Variants in IDUA observed in about 807,000 individuals in gnomAD.
IDUA encodes alpha-L-iduronidase.
IDUA carries 65 observed loss-of-function variants against 68.9 expected under a neutral mutation model. The observed-to-expected ratio is 0.94, with a 90% CI of 0.77 to 1.16. The LOEUF is 1.16. IDUA is among the 50% of genes most tolerant of loss of function. The pLI, the probability that IDUA is intolerant of heterozygous loss-of-function variation, is 0.00. For missense variants in IDUA, 1,046 were observed against 938.0 expected (o/e 1.12, Z -1.50); for synonymous variants, 529 against 433.6 (o/e 1.22, Z -2.73).
rs374225977 is a variant in IDUA at position 1,004,213 on chromosome 4, C to T, written c.1829-47C>T. ...GAGAAGCCTGGGGTCAGGGGGCTTTCGGGTGGGGGCAGGTTCCGGTTGGCA... is the reference window on the plus strand; with the variant it reads ...GAGAAGCCTGGGGTCAGGGGGCTTTTGGGTGGGGGCAGGTTCCGGTTGGCA... On this transcript the variant is annotated intron_variant, in intron 13 of 13. Coordinates refer to ENST00000514224, the MANE Select transcript of IDUA (RefSeq NM_000203.5). The surrounding 1 kb of genome is among the most constrained non-coding windows in gnomAD (Gnocchi z 5.0). The T allele has an allele frequency of 1.7e-4, 270 of 1,610,174 alleles. 1 individual carries two copies. Among genetic ancestry groups the T allele is most frequent in the Admixed American group, 1.1e-3 (64 of 60,002 alleles).
At position 1,002,908 on chromosome 4, in the gene IDUA, G is replaced by C; in HGVS notation, c.1366G>C (p.Val456Leu). ...TRAHPNRSVA[V>L]TLRLRGVPPG... ...CGCCCACCCCAACCGCAGCGTCGCG[G>C]TGACCCTGCGGCTGCGCGGGGTGCC... is the stretch of plus-strand genomic sequence containing the variant. The change falls in exon 9 of 14, where the codon GTG (valine) becomes CTG (leucine). Residue 456 changes from valine to leucine, a missense_variant. Transcript: ENST00000514224. The C allele has an allele frequency of 7.2e-7, 1 of 1,398,168 alleles. No homozygotes were observed. Among genetic ancestry groups the C allele is most frequent in the Non-Finnish European group, 9.2e-7 (1 of 1,083,080 alleles). The allele number at this position is 1,398,168 out of a possible 1,614,324, so 86.6% of individuals were successfully genotyped here.
chr4:993,629 G>GC (rs1714539583), intron 2 of IDUA, among the ~76,000 whole-genome samples: 2 of 149,310 alleles, frequency 1.3e-5, no homozygotes, highest in South Asian at 2.2e-4. Flanking sequence ...CTGCGGCCCT[G>GC]CCGGGGGGGC....
At position 1,002,951 on chromosome 4, in the gene IDUA, C is replaced by G; in HGVS notation, c.1402+7C>G. The G allele has an allele frequency of 7.3e-7, 1 of 1,363,388 alleles. No homozygotes were observed. The highest frequency in any genetic ancestry group is 9.4e-7 in the Non-Finnish European group (1 of 1,065,636). The allele number at this position is 1,363,388 out of a possible 1,614,324, so 84.5% of individuals were successfully genotyped here. ...GGGGTGCCCCCCGGCCCGGGTAAGC[C>G]GGGGTTCCAGGGAGGTCTCTGGCCC... On this transcript the variant is annotated splice_region_variant and intron_variant, in intron 9 of 13. Transcript: ENST00000514224.
chr4:1,003,191 C>T (rs1342785258), intron 10 of IDUA, 34 bp downstream of exon 10: 2 of 517,166 alleles, frequency 3.9e-6, no homozygotes, highest in African/African-American at 2.6e-5. Flanking sequence ...GGGGCCGGGC[C>T]GGGCCGGGGT....
chr4:989,430 G>C, intron 2 of IDUA: 1 of 1,554,730 alleles, frequency 6.4e-7, no homozygotes, highest in South Asian at 1.2e-5. Flanking sequence ...GTTGGGTGCG[G>C]CCGGCCAGGC....
intron 2 of IDUA, chr4:991,299 C>T: frequency 6.2e-7 from 1 of 1,612,802 alleles, no homozygotes; most frequent in Non-Finnish European, 8.5e-7. Context: ...GGTCCACCAC[C>T]TGCCCCACCA....
intron 2 of IDUA, among the ~76,000 whole-genome samples, chr4:997,285 ACCCGCCCCGCGCCC>A (rs1714793884): frequency 6.7e-6 from 1 of 149,634 alleles, no homozygotes; most frequent in South Asian, 2.1e-4. Context: ...GCGGGTCTGT[ACCCGCCCCGCGCCC>A]CCAGCCCAGC....
In IDUA at chr4:990,365, G is replaced by A. The variant is rs1289852165; in HGVS notation, c.299+2416G>A. 1.9e-6 allele frequency: 3 copies of A among 1,589,440 alleles called. No individual in the cohort carries two copies. In the African/African-American group the frequency reaches 4.0e-5, roughly 21 times the overall value. ...AGCCGGAGGACGCCCATGAGGACCTGTGGACGGAGTGCGGTCAGGCCAGCA... is the reference window on the plus strand; with the variant it reads ...AGCCGGAGGACGCCCATGAGGACCTATGGACGGAGTGCGGTCAGGCCAGCA... On this transcript the variant is annotated intron_variant, in intron 2 of 13. Transcript: ENST00000514224.
chr4:990,630 G>C (rs1714215495), intron 2 of IDUA: 1 of 509,824 alleles, frequency 2.0e-6, no homozygotes, highest in Non-Finnish European at 3.5e-6. Flanking sequence ...GTCACGTGCA[G>C]CAGCCCGTTT....
intron 6 of IDUA, 44 bp from the exon 7 acceptor site, chr4:1,001,938 G>A: frequency 6.4e-7 from 1 of 1,569,696 alleles, no homozygotes; most frequent in South Asian, 1.2e-5. Flanking sequence ...GCTGTGCCCC[G>A]GGCCGCGCTG....
chr4:991,461 G>A, intron 2 of IDUA: 1 of 1,612,646 alleles, frequency 6.2e-7, no homozygotes, highest in Non-Finnish European at 8.5e-7. Flanking sequence ...GCACCAGGAT[G>A]ATGCCGATGA....
At chr4:1,002,639 G>C (rs912874604) in intron 8 of IDUA, 93 bp from the exon 9 acceptor site, 9 of 1,187,414 alleles carry the variant, frequency 7.6e-6, no homozygotes, top group African/African-American at 4.8e-5. Context: ...CTTCACCAAG[G>C]GGAGGGGGAG....
chr4:987,388 GGGT>G (rs1237757080), intron 1 of IDUA, 146 bp downstream of exon 1: 2 of 883,560 alleles, frequency 2.3e-6, no homozygotes, highest in Non-Finnish European at 3.3e-6. Flanking sequence ...CCGTGTTTGT[GGGT>G]GGGTCCTCCA....
At chr4:1,001,128 A>G in intron 4 of IDUA, 139 bp downstream of exon 4, 1 of 685,602 alleles carries the variant, frequency 1.5e-6, no homozygotes, top group South Asian at 1.7e-5. Flanking sequence ...GATGGGGGTG[A>G]CAAGGGATAG....
Position 1,002,039 on chromosome 4 carries a change from C to G in IDUA, c.850C>G (p.Arg284Gly). Residue 284 changes from arginine (R) to glycine (G), a missense_variant, in exon 7 of 14, where the codon CGG (arginine) becomes GGG (glycine). By Grantham distance (125) the Arg-to-Gly change is moderately radical. Transcript: ENST00000514224. Reference protein sequence around the residue: ...EQEKVVAQQIRQLFPKFADTP... With the variant: ...EQEKVVAQQIGQLFPKFADTP... ...GGAGAAGGTCGTCGCGCAGCAGATC[C>G]GGCAGCTCTTCCCCAAGTTCGCGGA... 6.3e-7 allele frequency: 1 copy of G among 1,598,500 alleles called. No individual in the cohort carries two copies. Among genetic ancestry groups the G allele is most frequent in the East Asian group, 2.3e-5 (1 of 44,306 alleles).
chr4:988,039 T>C, intron 2 of IDUA, 90 bp downstream of exon 2: 1 of 1,486,496 alleles, frequency 6.7e-7, no homozygotes, highest in Non-Finnish European at 9.0e-7. Context: ...GAAGACCCCT[T>C]GTTCCCCCAC....
intron 2 of IDUA, among the ~76,000 whole-genome samples, chr4:999,310 T>C (rs1016711236): frequency 2.0e-5 from 3 of 152,134 alleles, no homozygotes; most frequent in Non-Finnish European, 4.4e-5. Flanking sequence ...CTCAAAGCAG[T>C]CACTTCCAGA....
chr4:991,219 A>T lies in IDUA; in HGVS notation c.299+3270A>T, dbSNP rs1312315688. ...GTCCAGCATGGCAGCCGAGCCGTTGAGGGTGCTGCTGTTGGCTCCGGGCTG... is the reference window on the plus strand; with the variant it reads ...GTCCAGCATGGCAGCCGAGCCGTTGTGGGTGCTGCTGTTGGCTCCGGGCTG... On this transcript the variant is annotated intron_variant, in intron 2 of 13. Transcript: ENST00000514224. The T allele has an allele frequency of 1.9e-6, 3 of 1,609,664 alleles. No individual in the cohort carries two copies. The East Asian group carries it at 6.7e-5, about 36-fold the overall frequency.
chr4:995,368 A>G (rs1488105119), intron 2 of IDUA, among the ~76,000 whole-genome samples: 2 of 152,112 alleles, frequency 1.3e-5, no homozygotes, highest in African/African-American at 2.4e-5. Flanking sequence ...AAAAAAAAAA[A>G]ATTCCTTGGG....
Sources: allele counts gnomAD v4.1 joint callset (sites outside exome capture counted in the v4.1 genomes callset), GRCh38; gene constraint gnomAD v4.1.1; non-coding constraint Gnocchi (gnomAD v3.1); transcripts MANE v1.5; gene names NCBI Gene and HGNC (gene_info 2026-07-23, HGNC 2026-07-21).